ELOVL7: variants seen among roughly 807,000 people sequenced by gnomAD.
ELOVL7 encodes the protein very long chain fatty acid elongase 7.
In ELOVL7, 27 loss-of-function variants were observed where a neutral mutation model predicts 35.7. The ratio of observed to expected loss-of-function variants is 0.76; its 90% CI spans 0.56 to 1.04. The LOEUF is 1.04. Among genes scored for constraint, ELOVL7 ranks in the 50% least tolerant of loss-of-function variants. The pLI is 0.00. For missense variants in ELOVL7, 327 were observed against 340.8 expected (o/e 0.96, Z 0.32); for synonymous variants, 113 against 114.6 (o/e 0.99, Z 0.09).
At chr5:60,779,520 G>A (rs1743108902) in intron 3 of ELOVL7, among the ~76,000 whole-genome samples, 2 of 152,178 alleles carry the variant, frequency 1.3e-5, no homozygotes, top group South Asian at 4.1e-4. Flanking sequence ...CTGAAGCCAT[G>A]GCCCAAGCTG....
chr5:60,803,850 C>T (rs1465336585), intron 1 of ELOVL7, among the ~76,000 whole-genome samples: 3 of 152,170 alleles, frequency 2.0e-5, no homozygotes, highest in Non-Finnish European at 2.9e-5. Context: ...TCAAACAGAA[C>T]CTCAAAACAA....
At chr5:60,794,226 T>G (rs1457554185) in intron 2 of ELOVL7, among the ~76,000 whole-genome samples, 1 of 152,224 alleles carries the variant, frequency 6.6e-6, no homozygotes, top group East Asian at 1.9e-4. Flanking sequence ...AATTTGCCTC[T>G]TTAGACCCAA....
intron 1 of ELOVL7, among the ~76,000 whole-genome samples, chr5:60,815,048 T>G (rs921896908): frequency 6.6e-6 from 1 of 152,200 alleles, no homozygotes; most frequent in Non-Finnish European, 1.5e-5. Flanking sequence ...ATTCAAAGCA[T>G]ATACAGAATT....
At chr5:60,787,969 T>A (rs1014307066) in intron 2 of ELOVL7, among the ~76,000 whole-genome samples, 2 of 152,166 alleles carry the variant, frequency 1.3e-5, no homozygotes, top group African/African-American at 4.8e-5. Flanking sequence ...AGCTGCTTAG[T>A]TTATCTAGAC....
chr5:60,805,140 T>G (rs1441481280), intron 1 of ELOVL7, among the ~76,000 whole-genome samples: 1 of 152,054 alleles, frequency 6.6e-6, no homozygotes, highest in Non-Finnish European at 1.5e-5. Context: ...AGGGCAAAAA[T>G]GTGCACAGCT....
intron 2 of ELOVL7, among the ~76,000 whole-genome samples, chr5:60,795,642 G>A (rs1222928493): frequency 2.0e-5 from 3 of 152,140 alleles, no homozygotes; most frequent in South Asian, 2.1e-4. Context: ...TGCCGATGTC[G>A]GAGACTCGCC....
chr5:60,827,644 T>C (rs1746246450), intron 1 of ELOVL7, among the ~76,000 whole-genome samples: 1 of 152,198 alleles, frequency 6.6e-6, no homozygotes, highest in South Asian at 2.1e-4. Flanking sequence ...CCTAATAATT[T>C]CTAGACCTTT....
At chr5:60,837,250 C>T (rs867109684) in intron 1 of ELOVL7, among the ~76,000 whole-genome samples, 138 of 144,676 alleles carry the variant, frequency 9.5e-4, no homozygotes, top group African/African-American at 3.3e-3. Flanking sequence ...CTGGCCACCA[C>T]GGTGAAACCC....
At chr5:60,769,622 G>A (rs753863478) in intron 4 of ELOVL7, among the ~76,000 whole-genome samples, 2 of 152,282 alleles carry the variant, frequency 1.3e-5, no homozygotes. Flanking sequence ...CCATGTGTTC[G>A]GATGTGCCAT....
At chr5:60,796,510 C>T (rs1389517827) in intron 2 of ELOVL7, among the ~76,000 whole-genome samples, 1 of 152,192 alleles carries the variant, frequency 6.6e-6, no homozygotes, top group Non-Finnish European at 1.5e-5. Context: ...TGATCAAAAA[C>T]ATTTCCAGAA....
chr5:60,843,322 G>A (rs1013648856), intron 1 of ELOVL7: 4 of 152,200 alleles, frequency 2.6e-5, no homozygotes, highest in African/African-American at 9.7e-5. Flanking sequence ...GTTTGAAACA[G>A]CTCTGACTTG....
At chr5:60,811,156 A>G (rs1176515469) in intron 1 of ELOVL7, among the ~76,000 whole-genome samples, 1 of 152,100 alleles carries the variant, frequency 6.6e-6, no homozygotes, top group African/African-American at 2.4e-5. Context: ...GTTTTCATTA[A>G]GGTCAGTTGT....
chr5:60,825,718 C>G (rs1010164783), intron 1 of ELOVL7, among the ~76,000 whole-genome samples: 2 of 152,036 alleles, frequency 1.3e-5, no homozygotes, highest in Non-Finnish European at 2.9e-5. Flanking sequence ...ACTGGGGATA[C>G]AAGAGAACTG....
chr5:60,819,800 A>G (rs1029295454), intron 1 of ELOVL7, among the ~76,000 whole-genome samples: 3 of 152,116 alleles, frequency 2.0e-5, no homozygotes, highest in African/African-American at 7.2e-5. Context: ...AAAACAAAAC[A>G]AAACAAAAAA....
At chr5:60,827,819 G>A (rs1746257341) in intron 1 of ELOVL7, among the ~76,000 whole-genome samples, 1 of 152,092 alleles carries the variant, frequency 6.6e-6, no homozygotes, top group African/African-American at 2.4e-5. Context: ...TTCCCCAGGT[G>A]ACCAGTTTTG....
At chr5:60,824,318 A>C (rs893242790) in intron 1 of ELOVL7, among the ~76,000 whole-genome samples, 8 of 152,204 alleles carry the variant, frequency 5.3e-5, no homozygotes, top group African/African-American at 1.7e-4. Flanking sequence ...AAGGCCGCTC[A>C]CAAGTCGGCA....
chr5:60,831,989 T>C (rs1157997644), intron 1 of ELOVL7, among the ~76,000 whole-genome samples: 1 of 152,240 alleles, frequency 6.6e-6, no homozygotes, highest in Non-Finnish European at 1.5e-5. Context: ...TATGATCATA[T>C]TTAAAATCTG....
intron 1 of ELOVL7, among the ~76,000 whole-genome samples, chr5:60,828,255 T>C (rs945212647): frequency 3.9e-5 from 6 of 152,284 alleles, no homozygotes; most frequent in East Asian, 3.9e-4. Flanking sequence ...TGCTGCTCCC[T>C]GCATTCTCTC....
At chr5:60,780,114 CTTTTTTTTTT>C (rs59345433) in intron 3 of ELOVL7, among the ~76,000 whole-genome samples, 4 of 124,354 alleles carry the variant, frequency 3.2e-5, no homozygotes, top group Non-Finnish European at 6.5e-5. Flanking sequence ...CAAACTTTCC[CTTTTTTTTTT>C]TTTTTTTTTT....
Sources: gnomAD v4.1 joint callset for allele counts (sites outside exome capture counted in the v4.1 genomes callset) on GRCh38, gnomAD v4.1.1 for gene constraint, MANE v1.5 for transcripts, NCBI Gene and HGNC (gene_info 2026-07-23, HGNC 2026-07-21) for gene names.